ELMO1: variants seen among roughly 807,000 people sequenced by gnomAD.
ELMO1 encodes engulfment and cell motility protein 1.
A neutral mutation model predicts 98.9 loss-of-function variants in ELMO1; 26 were observed. The ratio of observed to expected loss-of-function variants is 0.26; its 90% confidence interval spans 0.19 to 0.36. ELMO1 has a LOEUF of 0.36. Ranked by LOEUF, ELMO1 falls within the 10% of genes least tolerant of loss-of-function variation. ELMO1 has a pLI of 1.00. For missense variants in ELMO1, 627 were observed against 935.2 expected (o/e 0.67, Z 4.30); for synonymous variants, 346 against 346.0 (o/e 1.00, Z 0.00).
chr7:37,137,021 G>C (rs1787307769), intron 13 of ELMO1, among the ~76,000 whole-genome samples: 1 of 152,128 alleles, frequency 6.6e-6, no homozygotes, highest in Non-Finnish European at 1.5e-5. Context: ...GCCTTCAAGA[G>C]ACTCACCTAA....
intron 14 of ELMO1, among the ~76,000 whole-genome samples, chr7:37,118,399 A>G (rs1444826743): frequency 6.6e-6 from 1 of 152,234 alleles, no homozygotes; most frequent in East Asian, 1.9e-4. Context: ...AACAGGAGAA[A>G]CTGGGAAACA....
chr7:37,167,318 G>C (rs1013598110), intron 13 of ELMO1, among the ~76,000 whole-genome samples: 9 of 152,158 alleles, frequency 5.9e-5, no homozygotes, highest in Non-Finnish European at 1.2e-4. Flanking sequence ...TCATTTAATT[G>C]AAGCATTTCG....
At chr7:37,242,761 T>C (rs942945599) in intron 7 of ELMO1, among the ~76,000 whole-genome samples, 8 of 152,364 alleles carry the variant, frequency 5.3e-5, no homozygotes, top group Admixed American at 3.9e-4. Flanking sequence ...TCCTACTCTC[T>C]GAGCTTCTCG....
rs1339010524 is a variant in ELMO1 at position 36,882,397 on chromosome 7, T to C, written c.1715-4280A>G. Among the ~76,000 whole-genome samples the C allele has an allele frequency of 2.6e-5, 4 of 152,322 alleles. No individual in the cohort carries two copies. In the East Asian group the frequency reaches 7.7e-4, roughly 29 times the overall value. The stretch of plus-strand genomic sequence containing the variant: ...AAGGGAAATGTCATCTTTCAGGTGA[T>C]GAGATCTAAGATTTTTTTGTTGGTA... On this transcript the variant is annotated intron_variant, in intron 18 of 21. Transcript: ENST00000310758.
intron 15 of ELMO1, among the ~76,000 whole-genome samples, chr7:37,068,717 T>C (rs561154173): frequency 3.9e-5 from 6 of 152,280 alleles, no homozygotes; most frequent in African/African-American, 1.2e-4. Context: ...GGAGTGTTCA[T>C]GCTGGTTTAC....
chr7:37,386,803 G>C (rs536312060), intron 1 of ELMO1, among the ~76,000 whole-genome samples: 1 of 152,136 alleles, frequency 6.6e-6, no homozygotes, highest in Non-Finnish European at 1.5e-5. Context: ...ATTTTGGTTG[G>C]AGCCTCCTCC....
At chr7:37,296,850 C>T (rs1453925605) in intron 4 of ELMO1, among the ~76,000 whole-genome samples, 2 of 152,096 alleles carry the variant, frequency 1.3e-5, no homozygotes, top group African/African-American at 4.8e-5. Context: ...GGGAAAAGTA[C>T]TCAAAACTTA....
intron 1 of ELMO1, among the ~76,000 whole-genome samples, chr7:37,413,601 G>A (rs1450983885): frequency 2.0e-5 from 3 of 152,154 alleles, no homozygotes; most frequent in Admixed American, 6.5e-5. Context: ...TGCAAAGTAT[G>A]CCCTTAGCTC....
rs57418239 is a variant in ELMO1, at chr7:37,437,979, C to CAA, written c.-74+10694_-74+10695dup. Among the ~76,000 whole-genome samples, 10 of 18,048 alleles carry CAA rather than the reference C, an allele frequency of 5.5e-4. 2 individuals are homozygous for CAA. The highest frequency in any genetic ancestry group is 1.2e-3 in the African/African-American group (10 of 8,308). The allele number at this position is 18,048 out of a possible 152,430, so 11.8% of individuals were successfully genotyped here. A position where few individuals can be genotyped will look rare whatever the true frequency, so the allele number is the denominator to read the frequency against. On this transcript the variant is annotated intron_variant, in intron 1 of 21. Transcript: ENST00000310758. The stretch of plus-strand genomic sequence containing the variant: ...TGGGCGACAGAGCGAGACTCCGTCT[C>CAA]AAAAAAAAAAAAAAAAAAAAAAGAA...
intron 15 of ELMO1, among the ~76,000 whole-genome samples, chr7:37,081,859 G>A (rs953723539): frequency 2.6e-5 from 4 of 152,152 alleles, no homozygotes; most frequent in Non-Finnish European, 5.9e-5. Flanking sequence ...AACCCTGCGA[G>A]GCCTTACATT....
intron 15 of ELMO1, among the ~76,000 whole-genome samples, chr7:37,033,654 C>A (rs747252232): frequency 2.6e-5 from 4 of 152,096 alleles, no homozygotes; most frequent in Non-Finnish European, 5.9e-5. Context: ...GTTTTGATGA[C>A]AGATGTTTCT....
chr7:37,321,493 A>C (rs1024329752), intron 2 of ELMO1, among the ~76,000 whole-genome samples: 4 of 151,920 alleles, frequency 2.6e-5, no homozygotes, highest in Non-Finnish European at 5.9e-5. Flanking sequence ...CAAGGCAGGC[A>C]GATCATGAGG....
intron 4 of ELMO1, among the ~76,000 whole-genome samples, chr7:37,296,540 C>T (rs1798036113): frequency 6.6e-6 from 1 of 152,246 alleles, no homozygotes; most frequent in Non-Finnish European, 1.5e-5. Flanking sequence ...CGCTGTGACA[C>T]AATCACAGAA....
At position 37,219,304 on chromosome 7, in the gene ELMO1, T is replaced by C. The variant is rs546639486; in HGVS notation, c.781-2609A>G. Among the ~76,000 whole-genome samples, 4 of 152,288 alleles carry C rather than the reference T, an allele frequency of 2.6e-5. No homozygotes were observed. In the South Asian group the frequency reaches 8.3e-4, roughly 32 times the overall value. On this transcript the variant is annotated intron_variant, in intron 10 of 21. Transcript: ENST00000310758. Reference sequence around the variant, plus strand: ...CTGACCATGGTGGCATTTTTTTCAGTAACAGCAGAAATAAGGTATAAGTGT... The same window carrying C: ...CTGACCATGGTGGCATTTTTTTCAGCAACAGCAGAAATAAGGTATAAGTGT...
chr7:36,898,846 A>G (rs1305380025), intron 16 of ELMO1, among the ~76,000 whole-genome samples: 3 of 152,238 alleles, frequency 2.0e-5, no homozygotes, highest in Non-Finnish European at 4.4e-5. Context: ...AGCCTGGGAC[A>G]GTGGAAAGAC....
intron 5 of ELMO1, among the ~76,000 whole-genome samples, chr7:37,267,301 A>G (rs1796315631): frequency 6.6e-6 from 1 of 152,250 alleles, no homozygotes; most frequent in Non-Finnish European, 1.5e-5. Flanking sequence ...GGCAGCACGT[A>G]TCACATTCTT....
chr7:37,358,851 G>A (rs1055060000), intron 1 of ELMO1, among the ~76,000 whole-genome samples: 2 of 152,180 alleles, frequency 1.3e-5, no homozygotes, highest in African/African-American at 2.4e-5. Flanking sequence ...ACTGGCATGG[G>A]GCAAGGATGA....
chr7:37,078,668 A>C (rs1190056623), intron 15 of ELMO1, among the ~76,000 whole-genome samples: 1 of 152,234 alleles, frequency 6.6e-6, no homozygotes, highest in Non-Finnish European at 1.5e-5. Context: ...GAATTAATTT[A>C]CAGGAAATAA....
intron 15 of ELMO1, among the ~76,000 whole-genome samples, chr7:37,050,787 T>A (rs1436366271): frequency 6.6e-6 from 1 of 151,530 alleles, no homozygotes; most frequent in East Asian, 1.9e-4. Context: ...AAAACCCTAT[T>A]TGATAGATGT....
Sources: allele counts gnomAD v4.1 joint callset (sites outside exome capture counted in the v4.1 genomes callset), GRCh38; gene constraint gnomAD v4.1.1; transcripts MANE v1.5; gene names NCBI Gene and HGNC (gene_info 2026-07-23, HGNC 2026-07-21).